TFEC: variants seen among roughly 807,000 people sequenced by gnomAD.
The protein encoded by TFEC is transcription factor EC, also known as class E basic helix-loop-helix protein 34.
Under a neutral mutation model 41.6 loss-of-function variants are expected in TFEC, and 31 were observed. That is an observed-to-expected ratio of 0.74 (90% CI 0.56 to 1.01). The LOEUF is 1.01. Among genes scored for constraint, TFEC ranks in the 50% least tolerant of loss-of-function variants. The pLI is 0.00. For synonymous variants in TFEC, 143 were observed against 140.6 expected (o/e 1.02, Z -0.12); for missense variants, 402 against 404.1 (o/e 0.99, Z 0.04).
Position 116,105,113 on chromosome 7 carries a change from C to G in TFEC, c.198+5595G>C, listed in dbSNP as rs1041371674. Among the ~76,000 whole-genome samples the G allele has an allele frequency of 2.0e-5, 3 of 151,974 alleles. No homozygotes were observed. In the East Asian group the frequency reaches 5.8e-4, roughly 29 times the overall value. On this transcript the variant is annotated intron_variant, in intron 3 of 8. Coordinates refer to the TFEC transcript ENST00000484212. ...CCCCAGAGAAAAGGAAGGATGAATG[C>G]CAATGCTGGAAAAAGGAAGATGTAA...
chr7:116,081,306 TA>T (rs113044710), intron 3 of TFEC, among the ~76,000 whole-genome samples: 70 of 146,596 alleles, frequency 4.8e-4, no homozygotes, highest in Non-Finnish European at 2.9e-4. Flanking sequence ...ATCTCAGAAA[TA>T]AAAAAAAAAT....
Position 116,068,996 on chromosome 7 carries a change from T to C in TFEC, c.198+41712A>G, listed in dbSNP as rs958689736. ...GAAGAAAATAGAAAACATAGGCAAA[T>C]ATGATTCTTTAAGATTTGTCAAATT... On this transcript the variant is annotated intron_variant, in intron 3 of 8. Transcript: ENST00000484212. Among the ~76,000 whole-genome samples, 4 of 151,648 alleles carry C rather than the reference T, an allele frequency of 2.6e-5. No individual in the cohort carries two copies. The South Asian group carries it at 8.3e-4, about 31-fold the overall frequency.
At chr7:116,157,636 G>A (rs1453284627) in intron 1 of TFEC, among the ~76,000 whole-genome samples, 1 of 152,048 alleles carries the variant, frequency 6.6e-6, no homozygotes, top group Non-Finnish European at 1.5e-5. Context: ...GAAGTGACTA[G>A]GAGACGAACA....
chr7:116,117,043 T>C (rs748619369), intron 1 of TFEC, among the ~76,000 whole-genome samples: 42 of 152,048 alleles, frequency 2.8e-4, no homozygotes, highest in Middle Eastern at 6.8e-3. Flanking sequence ...CTCTCATTAA[T>C]GTGGAGCATT....
chr7:115,951,236 T>C (rs1457950729), intron 5 of TFEC, among the ~76,000 whole-genome samples: 1 of 152,098 alleles, frequency 6.6e-6, no homozygotes, highest in Non-Finnish European at 1.5e-5. Context: ...TGTGTATAAG[T>C]ATATATTAAC....
chr7:116,133,807 C>T (rs1476261304), intron 1 of TFEC, among the ~76,000 whole-genome samples: 1 of 152,076 alleles, frequency 6.6e-6, no homozygotes, highest in African/African-American at 2.4e-5. Context: ...TGAATAGCAG[C>T]TTTTTAGATG....
Position 115,940,629 on chromosome 7 carries a change from T to C in TFEC, c.966A>G (p.Leu322=), listed in dbSNP as rs763689498. 6.8e-6 allele frequency: 11 copies of C among 1,613,416 alleles called. No individual in the cohort carries two copies. Among genetic ancestry groups the C allele is most frequent in the Non-Finnish European group, 8.5e-6 (10 of 1,179,642 alleles). ...TGGAAACTGCAGGGGAAGTGGCAGA[T>C]AGCAGAGGATCTGTTCCAAATGGAG... The part of the protein sequence containing the change: ...TISPFGTDPL[L]SATSPAVSKE... Residue 322 remains leucine (L), a synonymous_variant, in exon 8 of 8, where the codon CTA becomes CTG. Coordinates refer to ENST00000265440, the MANE Select transcript of TFEC (RefSeq NM_012252.4).
At chr7:116,137,326 A>G (rs1279478805) in intron 1 of TFEC, among the ~76,000 whole-genome samples, 1 of 152,118 alleles carries the variant, frequency 6.6e-6, no homozygotes, top group Non-Finnish European at 1.5e-5. Context: ...AGACTTTACA[A>G]ATGCTTACCA....
intron 1 of TFEC, among the ~76,000 whole-genome samples, chr7:116,020,043 C>G (rs1795334640): frequency 6.6e-6 from 1 of 152,138 alleles, no homozygotes; most frequent in Non-Finnish European, 1.5e-5. Flanking sequence ...CTCTGCCTGC[C>G]TTGCTTCATT....
chr7:115,962,717 G>GA (rs895170233), intron 3 of TFEC, among the ~76,000 whole-genome samples: 3 of 151,494 alleles, frequency 2.0e-5, no homozygotes, highest in Admixed American at 6.6e-5. Context: ...ATAAACATAA[G>GA]AAAAAAATCT....
intron 3 of TFEC, among the ~76,000 whole-genome samples, chr7:116,108,714 C>A (rs753217789): frequency 2.2e-4 from 34 of 152,104 alleles, no homozygotes; most frequent in Non-Finnish European, 3.4e-4. Flanking sequence ...AAGTTACCTA[C>A]AATAACCTCC....
intron 1 of TFEC, among the ~76,000 whole-genome samples, chr7:116,158,759 C>T (rs972768314): frequency 5.9e-5 from 9 of 151,910 alleles, no homozygotes; most frequent in Admixed American, 2.0e-4. Flanking sequence ...ATACTAGGTC[C>T]CACTATAATA....
At chr7:115,953,533 A>T (rs972785987) in intron 5 of TFEC, among the ~76,000 whole-genome samples, 2 of 152,106 alleles carry the variant, frequency 1.3e-5, no homozygotes, top group African/African-American at 4.8e-5. Context: ...CTGCAGACAC[A>T]GAAGAGAGAA....
At chr7:115,952,679 C>T (rs940701599) in intron 5 of TFEC, among the ~76,000 whole-genome samples, 2 of 151,980 alleles carry the variant, frequency 1.3e-5, no homozygotes, top group Non-Finnish European at 2.9e-5. Context: ...GGTGTTCATA[C>T]CTAGTACTAG....
At chr7:116,097,816 C>A (rs997203452) in intron 3 of TFEC, among the ~76,000 whole-genome samples, 2 of 151,928 alleles carry the variant, frequency 1.3e-5, no homozygotes, top group African/African-American at 2.4e-5. Context: ...CACTAAAAAA[C>A]AAAACAAAAC....
chr7:116,151,238 A>ATTTTTT (rs5886809), intron 1 of TFEC, among the ~76,000 whole-genome samples: 6 of 120,134 alleles, frequency 5.0e-5, no homozygotes, highest in African/African-American at 6.9e-5. Flanking sequence ...ATTATGTCAG[A>ATTTTTT]TTTTTTTTTT....
At chr7:116,124,443 A>C (rs1798171065) in intron 1 of TFEC, among the ~76,000 whole-genome samples, 4 of 152,176 alleles carry the variant, frequency 2.6e-5, no homozygotes, top group Non-Finnish European at 5.9e-5. Flanking sequence ...GACTGGGAGA[A>C]AGTTCTATGC....
chr7:116,049,653 C>T (rs1395862310), intron 3 of TFEC, among the ~76,000 whole-genome samples: 1 of 152,200 alleles, frequency 6.6e-6, no homozygotes, highest in Non-Finnish European at 1.5e-5. Context: ...CAGAACTCTC[C>T]ACCACAAATC....
At chr7:115,986,446 C>T (rs1212688015) in intron 1 of TFEC, among the ~76,000 whole-genome samples, 3 of 151,956 alleles carry the variant, frequency 2.0e-5, no homozygotes, top group African/African-American at 7.3e-5. Context: ...AGTACAATAT[C>T]GGTTCCTGAG....
Sources: gnomAD v4.1 joint callset for allele counts (sites outside exome capture counted in the v4.1 genomes callset) on GRCh38, gnomAD v4.1.1 for gene constraint, MANE v1.5 for transcripts, NCBI Gene and HGNC (gene_info 2026-07-23, HGNC 2026-07-21) for gene names.